The following AP1AR variants were observed in gnomAD, a reference collection of about 807,000 sequenced individuals.
AP1AR encodes the protein AP-1 complex-associated regulatory protein.
AP1AR carries 29 observed loss-of-function variants against 46.3 expected under a neutral mutation model. The ratio of observed to expected loss-of-function variants is 0.63; its 90% CI spans 0.47 to 0.85. The LOEUF (loss-of-function observed/expected upper bound fraction) is 0.85, where lower values mean the gene tolerates loss of function less well. Ranked by LOEUF, AP1AR falls within the 40% of genes least tolerant of loss-of-function variation. The pLI, the probability that AP1AR is intolerant of heterozygous loss-of-function variation, is 0.00. For missense variants in AP1AR, 357 were observed against 356.3 expected, an observed-to-expected ratio of 1.00 and a Z score of -0.02; for synonymous variants, 122 against 122.9, an observed-to-expected ratio of 0.99 and a Z score of 0.05.
At chr4:112,257,530 A>C (rs1289840096) in intron 3 of AP1AR, among the ~76,000 whole-genome samples, 1 of 152,224 alleles carries the variant, frequency 6.6e-6, no homozygotes, top group African/African-American at 2.4e-5. Context: ...ATGTCCAGCA[A>C]ATGGTTTTAT....
chr4:112,266,301 G>A (rs191788153), intron 8 of AP1AR, among the ~76,000 whole-genome samples: 1 of 151,402 alleles, frequency 6.6e-6, no homozygotes, highest in Admixed American at 6.6e-5. Flanking sequence ...GTGCCGCTTT[G>A]TAATTGACTG....
chr4:112,267,003 C>A (rs1452675733), intron 9 of AP1AR, among the ~76,000 whole-genome samples: 1 of 151,774 alleles, frequency 6.6e-6, no homozygotes, highest in Non-Finnish European at 1.5e-5. Flanking sequence ...ATTACTACCC[C>A]CTTGTGGACA....
At chr4:112,249,017 G>A (rs1237339035) in intron 1 of AP1AR, among the ~76,000 whole-genome samples, 2 of 152,194 alleles carry the variant, frequency 1.3e-5, no homozygotes, top group Non-Finnish European at 2.9e-5. Context: ...CCTGTTCCGG[G>A]TGCGGTGGCT....
intron 1 of AP1AR, among the ~76,000 whole-genome samples, chr4:112,237,028 T>C (rs1327215827): frequency 6.6e-6 from 1 of 152,246 alleles, no homozygotes; most frequent in Non-Finnish European, 1.5e-5. Context: ...TGTTATTCTC[T>C]CCCATCCTCT....
At chr4:112,268,107 T>C in intron 9 of AP1AR, 37 bp from the exon 10 acceptor site, 1 of 1,490,116 alleles carries the variant, frequency 6.7e-7, no homozygotes, top group Non-Finnish European at 8.9e-7. Context: ...CTTTATTATC[T>C]GTTCTGAGAT....
chr4:112,233,181 A>G (rs534359334), intron 1 of AP1AR, among the ~76,000 whole-genome samples: 121 of 152,352 alleles, frequency 7.9e-4, no homozygotes, highest in African/African-American at 2.7e-3. Flanking sequence ...GATGTTCAAC[A>G]TAAATAAATT....
rs114400546 is a variant in AP1AR, at chr4:112,232,251, C to A, written c.83+77C>A. 14,596 of 1,204,378 alleles carry A rather than the reference C, an allele frequency of 0.012. 896 individuals are homozygous for A. In the East Asian group the frequency reaches 0.2, roughly 16 times the overall value. 74.6% of individuals were successfully genotyped at this position (1,204,378 alleles called of 1,614,324 possible). ...CCCGGCGGGGAATCCCTTTCACCGT[C>A]CCCCGGCGGCTGGAGGTGGCGGTCG... On this transcript the variant is annotated intron_variant, in intron 1 of 9. Transcript: ENST00000274000.
At chr4:112,241,099 G>T (rs1030488554) in intron 1 of AP1AR, among the ~76,000 whole-genome samples, 1 of 152,100 alleles carries the variant, frequency 6.6e-6, no homozygotes, top group Non-Finnish European at 1.5e-5. Flanking sequence ...TTAAACCCTT[G>T]CATTATGTCT....
chr4:112,256,498 TTTTG>T (rs1196433591), intron 3 of AP1AR, among the ~76,000 whole-genome samples: 5 of 152,178 alleles, frequency 3.3e-5, no homozygotes, highest in Non-Finnish European at 7.4e-5. Context: ...CTAAGATGCT[TTTTG>T]TTTGGTTGGC....
intron 5 of AP1AR, among the ~76,000 whole-genome samples, 200 bp from the exon 6 acceptor site, chr4:112,262,788 A>T (rs188756871): frequency 6.6e-6 from 1 of 152,366 alleles, no homozygotes; most frequent in African/African-American, 2.4e-5. Context: ...GGAATTCCGT[A>T]ATGTGTTTTA....
At chr4:112,237,442 G>A (rs1725294286) in intron 1 of AP1AR, among the ~76,000 whole-genome samples, 1 of 151,070 alleles carries the variant, frequency 6.6e-6, no homozygotes, top group Admixed American at 6.6e-5. Context: ...CTTTGTGGGT[G>A]ATATTTATTT....
chr4:112,232,040 T>C lies in AP1AR; in HGVS notation c.-52T>C. The C allele has an allele frequency of 7.5e-7, 1 of 1,336,740 alleles. No homozygotes were observed. Among genetic ancestry groups the C allele is most frequent in the Non-Finnish European group, 9.7e-7 (1 of 1,035,004 alleles). 82.8% of individuals were successfully genotyped at this position (1,336,740 alleles called of 1,614,324 possible). ...CGGATGCAGCTGCCGGGCCTGGGTT[T>C]GGGCATTGAGCGGGAGGAGGAGGAG... On this transcript the variant is annotated 5_prime_UTR_variant, in exon 1 of 10. Coordinates refer to ENST00000274000, the MANE Select transcript of AP1AR (RefSeq NM_018569.6).
intron 7 of AP1AR, chr4:112,265,444 A>G (rs1433780887): frequency 2.7e-6 from 1 of 370,152 alleles, no homozygotes; most frequent in East Asian, 5.1e-5. Context: ...CATTTCCACA[A>G]GTATCACTAC....
rs191854176 is a variant in AP1AR at position 112,267,430 on chromosome 4, A to T, written c.643+714A>T. 7.2e-5 allele frequency among the ~76,000 whole-genome samples: 11 copies of T among 152,042 alleles called. No individual in the cohort carries two copies. The East Asian group carries it at 2.1e-3, about 29-fold the overall frequency. Reference sequence around the variant, plus strand: ...AGATTATTGACACTTTCACTTTACCAATTTCATTTTGTTCAGAATTAGATC... The same window carrying T: ...AGATTATTGACACTTTCACTTTACCTATTTCATTTTGTTCAGAATTAGATC... On this transcript the variant is annotated intron_variant, in intron 9 of 9. Coordinates refer to ENST00000274000, the MANE Select transcript of AP1AR (RefSeq NM_018569.6).
rs745924800 is a variant in AP1AR, at chr4:112,266,579, A to G, written c.515-9A>G. ...GAGAGTATTCAATTGTATTTCGTGT[A>G]TATTCTAGGACTCTCATCAGATGCT... On this transcript the variant is annotated splice_polypyrimidine_tract_variant and intron_variant, in intron 8 of 9. Coordinates refer to ENST00000274000, the MANE Select transcript of AP1AR (RefSeq NM_018569.6). The G allele has an allele frequency of 9.3e-6, 15 of 1,607,040 alleles. No homozygotes were observed. The South Asian group carries it at 1.6e-4, about 17-fold the overall frequency.
chr4:112,253,879 G>A (rs1256616409), intron 2 of AP1AR, among the ~76,000 whole-genome samples: 1 of 152,052 alleles, frequency 6.6e-6, no homozygotes, highest in African/African-American at 2.4e-5. Flanking sequence ...CTTCAAAGCT[G>A]GAACACTGTA....
chr4:112,256,903 T>A (rs1400968759), intron 3 of AP1AR, among the ~76,000 whole-genome samples: 1 of 152,252 alleles, frequency 6.6e-6, no homozygotes, highest in Non-Finnish European at 1.5e-5. Context: ...TGCAAGCCTC[T>A]GATCACAATA....
Position 112,271,375 on chromosome 4 carries a change from T to G in AP1AR, c.*2966T>G, listed in dbSNP as rs1726943920. On this transcript the variant is annotated 3_prime_UTR_variant, in exon 10 of 10. Transcript: ENST00000274000. The stretch of plus-strand genomic sequence containing the variant: ...TGCAGATACCGACTATAAAAATGTT[T>G]AGCTATAGTTTAGAGTTGGCTCCTC... Among the ~76,000 whole-genome samples the G allele has an allele frequency of 6.6e-6, 1 of 152,250 alleles. No individual in the cohort carries two copies. Among genetic ancestry groups the G allele is most frequent in the Non-Finnish European group, 1.5e-5 (1 of 68,042 alleles).
chr4:112,239,822 T>G (rs1313322545), intron 1 of AP1AR, among the ~76,000 whole-genome samples: 1 of 152,230 alleles, frequency 6.6e-6, no homozygotes, highest in African/African-American at 2.4e-5. Context: ...CTTAATAGAG[T>G]ATAAATTTCA....
Sources: allele counts gnomAD v4.1 joint callset (sites outside exome capture counted in the v4.1 genomes callset), GRCh38; gene constraint gnomAD v4.1.1; transcripts MANE v1.5; gene names NCBI Gene and HGNC (gene_info 2026-07-23, HGNC 2026-07-21).